The following SUSD3 variants were observed in gnomAD, a reference collection of about 807,000 sequenced individuals.
SUSD3 encodes sushi domain containing 3.
Under a neutral mutation model 20.6 loss-of-function variants are expected in SUSD3, and 18 were observed. That is an observed-to-expected ratio of 0.87 (90% CI 0.60 to 1.30). SUSD3 has a LOEUF of 1.30. SUSD3 is among the 50% of genes most tolerant of loss of function. SUSD3 has a pLI of 0.00. For missense variants in SUSD3, 306 were observed against 346.9 expected (o/e 0.88, Z 0.94); for synonymous variants, 137 against 141.5 (o/e 0.97, Z 0.23).
intron 4 of SUSD3, 99 bp from the exon 5 acceptor site, chr9:93,084,438 C>A (rs1239027683): frequency 8.5e-7 from 1 of 1,174,276 alleles, no homozygotes; most frequent in Non-Finnish European, 1.2e-6. Context: ...AGCAGTTGCC[C>A]CAGGCCCACT....
At chr9:93,076,072 C>T (rs888589940) in intron 2 of SUSD3, 100 bp downstream of exon 2, 2 of 1,050,830 alleles carry the variant, frequency 1.9e-6, no homozygotes, top group Admixed American at 5.0e-5. Flanking sequence ...GGTGTCTACT[C>T]ACAAGCAGCT....
In SUSD3 at chr9:93,077,838, C is replaced by T; in HGVS notation, c.278-8C>T. 1.2e-6 allele frequency: 2 copies of T among 1,614,134 alleles called. No individual in the cohort carries two copies. The highest frequency in any genetic ancestry group is 1.7e-6 in the Non-Finnish European group (2 of 1,179,996). On this transcript the variant is annotated splice_region_variant and splice_polypyrimidine_tract_variant and intron_variant, in intron 2 of 4. Coordinates refer to ENST00000375472, the MANE Select transcript of SUSD3 (RefSeq NM_145006.4). ...TCGCCCAGGAGCTGGTGGTTGTCTC[C>T]CACACAGTGGTGCCACCACACGAGA...
chr9:93,070,475 G>T (rs1825869874), intron 1 of SUSD3, among the ~76,000 whole-genome samples: 1 of 152,228 alleles, frequency 6.6e-6, no homozygotes, highest in Admixed American at 6.5e-5. Flanking sequence ...AAGGATGGGG[G>T]CAGCCCGGGG....
intron 1 of SUSD3, among the ~76,000 whole-genome samples, chr9:93,061,577 C>T (rs1825507950): frequency 6.6e-6 from 1 of 152,252 alleles, no homozygotes; most frequent in South Asian, 2.1e-4. Context: ...GGCTCTGAAG[C>T]CTGTGCTCAC....
At chr9:93,070,217 C>T (rs938303575) in intron 1 of SUSD3, among the ~76,000 whole-genome samples, 1 of 152,216 alleles carries the variant, frequency 6.6e-6, no homozygotes, top group Non-Finnish European at 1.5e-5. Context: ...GAATCTTAGA[C>T]ACCGCATCTA....
rs201060047 is a variant in SUSD3 at position 93,077,922 on chromosome 9, C to T, written c.354C>T (p.Leu118=). Residue 118 remains leucine (L), a synonymous_variant, in exon 3 of 5, where the codon CTC becomes CTT. Coordinates refer to ENST00000375472, the MANE Select transcript of SUSD3 (RefSeq NM_145006.4). ...ASIVSCAIIL[L]MSMAFLTCCL... is the part of the protein sequence containing the mutation. The stretch of plus-strand genomic sequence containing the variant: ...TTGTGAGCTGTGCCATCATCCTGCT[C>T]ATGTCCATGGCCTTCCTCACCTGCT... 33 of 1,614,220 alleles carry T rather than the reference C, an allele frequency of 2.0e-5. No homozygotes were observed. The highest frequency in any genetic ancestry group is 6.7e-5 in the Admixed American group (4 of 60,034).
intron 1 of SUSD3, among the ~76,000 whole-genome samples, chr9:93,063,987 C>T (rs1002855777): frequency 3.3e-5 from 5 of 152,140 alleles, no homozygotes; most frequent in East Asian, 1.9e-4. Context: ...CGGCGCATCC[C>T]GGACTTCTTG....
intron 4 of SUSD3, among the ~76,000 whole-genome samples, chr9:93,083,991 A>G (rs1365089923): frequency 6.6e-6 from 1 of 152,014 alleles, no homozygotes; most frequent in East Asian, 1.9e-4. Flanking sequence ...GAGGCTGGAG[A>G]TGGGACAGGG....
intron 1 of SUSD3, among the ~76,000 whole-genome samples, chr9:93,062,124 C>T (rs528282930): frequency 1.4e-4 from 22 of 152,284 alleles, no homozygotes; most frequent in Admixed American, 7.2e-4. Context: ...TGGCCCCCTC[C>T]GTACATAAGG....
Position 93,068,388 on chromosome 9 carries a change from C to T in SUSD3, c.89-7396C>T, listed in dbSNP as rs186059326. ...TAGCATATGGTATGAGCTAGGGGTC[C>T]AGCTTCAGTTGTCCCAGCATCAGTT... On this transcript the variant is annotated intron_variant, in intron 1 of 4. Coordinates refer to ENST00000375472, the MANE Select transcript of SUSD3 (RefSeq NM_145006.4). Among the ~76,000 whole-genome samples, 8 of 152,234 alleles carry T rather than the reference C, an allele frequency of 5.3e-5. No individual in the cohort carries two copies. The East Asian group carries it at 1.5e-3, about 29-fold the overall frequency.
chr9:93,066,391 G>A (rs1376906317), intron 1 of SUSD3, among the ~76,000 whole-genome samples: 1 of 151,954 alleles, frequency 6.6e-6, no homozygotes, highest in Non-Finnish European at 1.5e-5. Context: ...ACGCCACCAC[G>A]CCCAGCTAAT....
chr9:93,084,188 C>A (rs1826544623), intron 4 of SUSD3, among the ~76,000 whole-genome samples: 1 of 152,100 alleles, frequency 6.6e-6, no homozygotes, highest in Non-Finnish European at 1.5e-5. Context: ...CCTGGGACAT[C>A]CCAGGCCCTG....
At chr9:93,078,109 C>T (rs184495352) in intron 3 of SUSD3, 116 bp downstream of exon 3, 8 of 1,383,298 alleles carry the variant, frequency 5.8e-6, no homozygotes, top group Non-Finnish European at 8.0e-6. Flanking sequence ...GGCACCCGTT[C>T]CTACCACTGC....
At chr9:93,071,386 C>A (rs530388184) in intron 1 of SUSD3, among the ~76,000 whole-genome samples, 10 of 152,304 alleles carry the variant, frequency 6.6e-5, no homozygotes, top group Non-Finnish European at 8.8e-5. Context: ...TCCAAGAATC[C>A]AAAAGCTGAA....
chr9:93,073,409 G>T (rs1825989951), intron 1 of SUSD3, among the ~76,000 whole-genome samples: 1 of 152,076 alleles, frequency 6.6e-6, no homozygotes, highest in Non-Finnish European at 1.5e-5. Flanking sequence ...ACCACACCTG[G>T]CTAATTATTT....
intron 1 of SUSD3, among the ~76,000 whole-genome samples, chr9:93,063,185 C>G (rs1250696073): frequency 6.6e-6 from 1 of 152,180 alleles, no homozygotes; most frequent in Non-Finnish European, 1.5e-5. Context: ...TGCTGCAGAC[C>G]TTGGGGATCA....
rs989400802 is a variant in SUSD3 at position 93,058,729 on chromosome 9, T to C, written c.-14T>C. The C allele has an allele frequency of 2.8e-5, 34 of 1,230,856 alleles. No individual in the cohort carries two copies. The highest frequency in any genetic ancestry group is 3.3e-5 in the Non-Finnish European group (33 of 986,402). The allele number at this position is 1,230,856 out of a possible 1,614,324, so 76.2% of individuals were successfully genotyped here. On this transcript the variant is annotated 5_prime_UTR_variant, in exon 1 of 5. Transcript: ENST00000375472. Reference sequence around the variant, plus strand: ...CCCCTGGCAGACCCCGCCAAGCGCCTCGGAGCGCGCAGGATGCGCTGGGCG... The same window carrying C: ...CCCCTGGCAGACCCCGCCAAGCGCCCCGGAGCGCGCAGGATGCGCTGGGCG...
chr9:93,062,868 A>C (rs1217810013), intron 1 of SUSD3, among the ~76,000 whole-genome samples: 1 of 152,150 alleles, frequency 6.6e-6, no homozygotes, highest in Non-Finnish European at 1.5e-5. Context: ...TTTGTAGACC[A>C]TAGCTCCTGG....
In SUSD3 at chr9:93,077,364, C is replaced by T. The variant is rs114674973; in HGVS notation, c.278-482C>T. On this transcript the variant is annotated intron_variant, in intron 2 of 4. Coordinates refer to ENST00000375472, the MANE Select transcript of SUSD3 (RefSeq NM_145006.4). ...ATTGTCACCTCCTCTCTGTGGCCCA[C>T]CCTTCCTTCATTCCTCAGGCAGGAC... Among the ~76,000 whole-genome samples the T allele has an allele frequency of 5.0e-3, 766 of 152,106 alleles. 7 individuals carry two copies. Among genetic ancestry groups the T allele is most frequent in the African/African-American group, 0.016 (650 of 41,486 alleles).
Sources: gnomAD v4.1 joint callset for allele counts (sites outside exome capture counted in the v4.1 genomes callset) on GRCh38, gnomAD v4.1.1 for gene constraint, MANE v1.5 for transcripts, NCBI Gene and HGNC (gene_info 2026-07-23, HGNC 2026-07-21) for gene names.